Variants in AFF3 observed in about 807,000 individuals in gnomAD.
AFF3 encodes AF4/FMR2 family member 3.
A neutral mutation model predicts 129.7 loss-of-function variants in AFF3; 32 were observed. The observed-to-expected ratio is 0.25, with a 90% confidence interval of 0.19 to 0.33. The LOEUF (loss-of-function observed/expected upper bound fraction) is 0.33. Among genes scored for constraint, AFF3 ranks in the 10% least tolerant of loss-of-function variants. The pLI, the probability that AFF3 is intolerant of heterozygous loss-of-function variation, is 1.00. For synonymous variants in AFF3, 644 were observed against 635.4 expected (o/e 1.01, Z -0.20); for missense variants, 1,373 against 1,592.0 (o/e 0.86, Z 2.34).
chr2:99,774,381 T>C (rs548461890), intron 8 of AFF3, among the ~76,000 whole-genome samples: 12 of 152,186 alleles, frequency 7.9e-5, no homozygotes, highest in Non-Finnish European at 1.6e-4. Context: ...ATGGTACTGG[T>C]ACAAGAACAG....
At chr2:100,114,576 T>G (rs1352235232) in intron 2 of AFF3, among the ~76,000 whole-genome samples, 3 of 151,906 alleles carry the variant, frequency 2.0e-5, no homozygotes, top group African/African-American at 7.3e-5. Context: ...GAAACAGGGT[T>G]TCACCATGTT....
At chr2:99,959,226 A>G (rs1400365461) in intron 7 of AFF3, among the ~76,000 whole-genome samples, 1 of 151,510 alleles carries the variant, frequency 6.6e-6, no homozygotes, top group Non-Finnish European at 1.5e-5. Flanking sequence ...AGCCCTAAGT[A>G]GTTTGAATCC....
chr2:99,802,130 A>G (rs1426710619), intron 8 of AFF3, among the ~76,000 whole-genome samples: 2 of 152,214 alleles, frequency 1.3e-5, no homozygotes, highest in Non-Finnish European at 2.9e-5. Context: ...CAAACTTTCA[A>G]AGCTCACTAC....
intron 7 of AFF3, among the ~76,000 whole-genome samples, chr2:99,890,168 C>T (rs1693441794): frequency 6.6e-6 from 1 of 152,162 alleles, no homozygotes; most frequent in South Asian, 2.1e-4. Flanking sequence ...GGTAATGGGA[C>T]ACCAGCTCAG....
At chr2:100,122,976 G>T (rs1015105963) in intron 2 of AFF3, among the ~76,000 whole-genome samples, 5 of 152,190 alleles carry the variant, frequency 3.3e-5, no homozygotes, top group Non-Finnish European at 7.3e-5. Context: ...TTTGGTAGAT[G>T]ATCAATAAAT....
chr2:99,759,445 T>TCC (rs1682397978), intron 8 of AFF3, among the ~76,000 whole-genome samples: 2 of 2,700 alleles, frequency 7.4e-4, no homozygotes, highest in Non-Finnish European at 1.2e-3. Context: ...GAGGGATATT[T>TCC]ACTTATCTTT....
intron 9 of AFF3, among the ~76,000 whole-genome samples, chr2:99,746,101 C>T (rs946262679): frequency 1.3e-5 from 2 of 151,466 alleles, no homozygotes; most frequent in African/African-American, 4.9e-5. Context: ...CCAAAAACCA[C>T]TTGTACCCCA....
intron 14 of AFF3, among the ~76,000 whole-genome samples, chr2:99,595,236 GTCAATTTA>G (rs1314112577): frequency 6.6e-6 from 1 of 152,208 alleles, no homozygotes; most frequent in Admixed American, 6.5e-5. Context: ...TGTCTAAAAA[GTCAATTTA>G]TCCAGCATTA....
chr2:99,849,619 AG>A lies in AFF3; in HGVS notation c.874-12096del, dbSNP rs1576180745. On this transcript the variant is annotated intron_variant, in intron 7 of 24. Coordinates refer to ENST00000672756, the MANE Select transcript of AFF3 (RefSeq NM_001386135.1). Reference sequence around the variant, plus strand: ...ATTTACAAGGTGCCTACTACACAACAGCTGATCAGTATATAAATACGATTAT... The same window carrying A: ...ATTTACAAGGTGCCTACTACACAACACTGATCAGTATATAAATACGATTAT... 2.4e-4 allele frequency among the ~76,000 whole-genome samples: 37 copies of A among 152,368 alleles called. 1 individual carries two copies. The East Asian group carries it at 7.1e-3, about 29-fold the overall frequency.
chr2:99,795,854 T>C (rs1026797798), intron 8 of AFF3, among the ~76,000 whole-genome samples: 3 of 152,110 alleles, frequency 2.0e-5, no homozygotes, highest in African/African-American at 7.2e-5. Flanking sequence ...TGCTATTCTA[T>C]TAATTTATTT....
intron 12 of AFF3, among the ~76,000 whole-genome samples, chr2:99,657,972 G>A (rs978878600): frequency 8.5e-5 from 13 of 152,200 alleles, no homozygotes; most frequent in Non-Finnish European, 1.5e-4. Flanking sequence ...TTATTTTTTT[G>A]AGCATTTCTA....
At chr2:99,993,036 G>A (rs1680498567) in intron 7 of AFF3, among the ~76,000 whole-genome samples, 1 of 152,200 alleles carries the variant, frequency 6.6e-6, no homozygotes, top group Non-Finnish European at 1.5e-5. Flanking sequence ...AGGGAATATG[G>A]ACCATCTTGG....
At chr2:99,570,884 T>C (rs1676412124) in intron 18 of AFF3, among the ~76,000 whole-genome samples, 1 of 152,216 alleles carries the variant, frequency 6.6e-6, no homozygotes, top group Non-Finnish European at 1.5e-5. Flanking sequence ...GAGCCGAATG[T>C]TGCCTGGCCC....
intron 13 of AFF3, among the ~76,000 whole-genome samples, chr2:99,632,532 A>T (rs1683222542): frequency 6.6e-6 from 1 of 152,136 alleles, no homozygotes; most frequent in South Asian, 2.1e-4. Context: ...GAGTGGTGCC[A>T]CTGGGGCCTT....
intron 7 of AFF3, among the ~76,000 whole-genome samples, chr2:99,979,070 G>T (rs965660732): frequency 7.7e-6 from 1 of 130,182 alleles, no homozygotes; most frequent in African/African-American, 2.6e-5. Context: ...GTCTGTTGAA[G>T]ATCTGGAAGT....
chr2:99,970,591 A>T (rs1678264268), intron 7 of AFF3, among the ~76,000 whole-genome samples: 1 of 152,232 alleles, frequency 6.6e-6, no homozygotes, highest in Non-Finnish European at 1.5e-5. Context: ...AGCCTTCCTC[A>T]TAGCCTCTCC....
At position 99,547,303 on chromosome 2, in the gene AFF3, C is replaced by T. The variant is rs748657841; in HGVS notation, c.*4171G>A. The T allele has an allele frequency of 4.6e-6, 1 of 216,238 alleles. No individual in the cohort carries two copies. Among genetic ancestry groups the T allele is most frequent in the Non-Finnish European group, 9.3e-6 (1 of 107,042 alleles). 13.4% of individuals were successfully genotyped at this position (216,238 alleles called of 1,614,324 possible). A position where few individuals can be genotyped will look rare whatever the true frequency, so the allele number is the denominator to read the frequency against. On this transcript the variant is annotated 3_prime_UTR_variant, in exon 25 of 25. Transcript: ENST00000672756. ...ACATTTGCAACCTTAGAAAGGCAGA[C>T]ATGTTTAATCCAAGTCCGTTTATAA...
chr2:99,965,407 C>T (rs1021578846), intron 7 of AFF3, among the ~76,000 whole-genome samples: 1 of 152,200 alleles, frequency 6.6e-6, no homozygotes, highest in Non-Finnish European at 1.5e-5. Flanking sequence ...AAATTGTATT[C>T]ATTGGACTTC....
At chr2:99,654,674 TAAGAG>T (rs1685585844) in intron 12 of AFF3, among the ~76,000 whole-genome samples, 2 of 152,234 alleles carry the variant, frequency 1.3e-5, no homozygotes, top group Admixed American at 1.3e-4. Flanking sequence ...TTGAGAGGGT[TAAGAG>T]AACACGTCAT....
Sources: gnomAD v4.1 joint callset for allele counts (sites outside exome capture counted in the v4.1 genomes callset) on GRCh38, gnomAD v4.1.1 for gene constraint, MANE v1.5 for transcripts, NCBI Gene and HGNC (gene_info 2026-07-23, HGNC 2026-07-21) for gene names.